The following C1orf87 variants were observed in gnomAD, a reference collection of about 807,000 sequenced individuals.
C1orf87 encodes the protein uncharacterized protein C1orf87.
In C1orf87, 58 loss-of-function variants were observed where a neutral mutation model predicts 60.5. That is an observed-to-expected ratio of 0.96 (90% CI 0.78 to 1.19). C1orf87 has a LOEUF of 1.19. C1orf87 is among the 50% of genes most tolerant of loss of function. The probability of loss-of-function intolerance (pLI) is 0.00; values close to 1 mark genes in which losing one functional copy is unlikely to be tolerated. For missense variants in C1orf87, 673 were observed against 638.6 expected, an observed-to-expected ratio of 1.05 and a Z score of -0.58; for synonymous variants, 236 against 227.4, an observed-to-expected ratio of 1.04 and a Z score of -0.34.
At chr1:60,067,130 A>G (rs541845505) in intron 2 of C1orf87, among the ~76,000 whole-genome samples, 17 of 152,304 alleles carry the variant, frequency 1.1e-4, no homozygotes, top group African/African-American at 3.9e-4. Flanking sequence ...CAGTGCTGCA[A>G]TAAACATACG....
At chr1:60,010,015 C>CTTT (rs34236824) in intron 9 of C1orf87, among the ~76,000 whole-genome samples, 1 of 143,016 alleles carries the variant, frequency 7.0e-6, no homozygotes. Flanking sequence ...TCTCACAGGT[C>CTTT]TTTTTTTTTT....
intron 2 of C1orf87, among the ~76,000 whole-genome samples, chr1:60,065,733 G>A (rs1645541584): frequency 6.6e-6 from 1 of 152,068 alleles, no homozygotes; most frequent in South Asian, 2.1e-4. Flanking sequence ...AAGTCACAAA[G>A]AATTTATTAA....
chr1:60,053,173 CAG>C (rs1226738674), intron 3 of C1orf87, among the ~76,000 whole-genome samples: 5 of 152,296 alleles, frequency 3.3e-5, no homozygotes, highest in Admixed American at 6.5e-5. Flanking sequence ...TGTCAAGAAA[CAG>C]ATGTCTATAT....
chr1:60,070,533 C>A (rs1645577551), intron 2 of C1orf87, among the ~76,000 whole-genome samples: 1 of 152,088 alleles, frequency 6.6e-6, no homozygotes, highest in African/African-American at 2.4e-5. Flanking sequence ...ACCTGAGCAA[C>A]AAGAAGCATT....
At chr1:60,032,075 C>T (rs1016284518) in intron 7 of C1orf87, among the ~76,000 whole-genome samples, 7 of 152,050 alleles carry the variant, frequency 4.6e-5, no homozygotes, top group African/African-American at 1.7e-4. Flanking sequence ...AAGAAAAATG[C>T]TTTTGTCCTA....
chr1:59,996,386 A>C (rs1004721112), intron 11 of C1orf87, among the ~76,000 whole-genome samples: 1 of 151,662 alleles, frequency 6.6e-6, no homozygotes, highest in African/African-American at 2.4e-5. Flanking sequence ...CCCTTATTTC[A>C]CTTTCTCCTT....
At chr1:60,007,930 C>T (rs1645057395) in intron 9 of C1orf87, among the ~76,000 whole-genome samples, 1 of 152,098 alleles carries the variant, frequency 6.6e-6, no homozygotes, top group South Asian at 2.1e-4. Flanking sequence ...TCTACACACC[C>T]ATAAGGAGTA....
At chr1:60,070,599 T>G (rs1231350092) in intron 2 of C1orf87, among the ~76,000 whole-genome samples, 2 of 152,106 alleles carry the variant, frequency 1.3e-5, no homozygotes, top group Non-Finnish European at 2.9e-5. Flanking sequence ...ACATCAATTA[T>G]CCTATGTCAT....
At chr1:60,029,637 G>GT (rs34501342) in intron 7 of C1orf87, among the ~76,000 whole-genome samples, 43,221 of 95,044 alleles carry the variant, frequency 0.45, 10,678 homozygotes, top group Admixed American at 0.53. Flanking sequence ...GTCCCCCCAA[G>GT]TTTTTTTTTT....
intron 11 of C1orf87, among the ~76,000 whole-genome samples, chr1:59,992,289 T>C (rs1234540624): frequency 6.6e-6 from 1 of 152,024 alleles, no homozygotes; most frequent in Non-Finnish European, 1.5e-5. Context: ...AGGGTCTTAC[T>C]CTGTTGCCTA....
At chr1:60,041,897 T>C (rs750849776) in intron 3 of C1orf87, among the ~76,000 whole-genome samples, 1 of 152,124 alleles carries the variant, frequency 6.6e-6, no homozygotes, top group Non-Finnish European at 1.5e-5. Flanking sequence ...AATCCAAGAC[T>C]AGGCTCCAGA....
Position 60,041,055 on chromosome 1 carries a change from G to C in C1orf87, c.419C>G (p.Pro140Arg). The C allele has an allele frequency of 1.2e-6, 2 of 1,613,358 alleles. No homozygotes were observed. Among genetic ancestry groups the C allele is most frequent in the Non-Finnish European group, 1.7e-6 (2 of 1,179,500 alleles). ...GGACCAGTCTCTAAGCTTTCTCCTG[G>C]GAATGCCATGCACATAGGATAAGGA... ...DQSLSYVHGIPRRKLRDWSLE... is the reference protein window; with the variant it reads ...DQSLSYVHGIRRRKLRDWSLE... The change falls in exon 4 of 12, where the codon CCC becomes CGC. Residue 140 changes from proline (P) to arginine (R), a missense_variant. Pro to Arg is a moderately radical substitution (Grantham distance 103). Transcript: ENST00000371201.
chr1:60,032,466 C>G (rs1022700276), intron 7 of C1orf87, among the ~76,000 whole-genome samples: 1 of 113,382 alleles, frequency 8.8e-6, no homozygotes, highest in Non-Finnish European at 1.7e-5. Flanking sequence ...GAGACTGAGT[C>G]TCGCTCTGTC....
chr1:60,022,788 A>G (rs938012267), intron 8 of C1orf87, among the ~76,000 whole-genome samples: 1 of 152,156 alleles, frequency 6.6e-6, no homozygotes, highest in Non-Finnish European at 1.5e-5. Flanking sequence ...AATAAGCAAA[A>G]TAAGAATTAC....
At chr1:60,010,755 CT>C (rs1183142354) in intron 8 of C1orf87, 1 of 219,550 alleles carries the variant, frequency 4.6e-6, no homozygotes, top group African/African-American at 2.3e-5. Context: ...TCAGTTTCCC[CT>C]AGCTATGAAG....
At chr1:60,010,579 G>T in intron 8 of C1orf87, 123 bp from the exon 9 acceptor site, 1 of 806,538 alleles carries the variant, frequency 1.2e-6, no homozygotes, top group Non-Finnish European at 2.1e-6. Context: ...TATCATTTAA[G>T]GTCCAATGCA....
At chr1:60,068,791 G>A (rs1052470065) in intron 2 of C1orf87, among the ~76,000 whole-genome samples, 2 of 152,238 alleles carry the variant, frequency 1.3e-5, no homozygotes, top group African/African-American at 4.8e-5. Context: ...TTGTCCACAA[G>A]CCTCTGACTC....
intron 2 of C1orf87, among the ~76,000 whole-genome samples, chr1:60,063,469 C>T (rs1464992162): frequency 6.6e-6 from 1 of 152,174 alleles, no homozygotes; most frequent in Non-Finnish European, 1.5e-5. Flanking sequence ...GTGAGCAGCA[C>T]TGCTCTCAAT....
chr1:60,018,528 C>A (rs539822271), intron 8 of C1orf87, among the ~76,000 whole-genome samples: 2 of 152,084 alleles, frequency 1.3e-5, no homozygotes, highest in South Asian at 4.1e-4. Flanking sequence ...AATTTTTAAT[C>A]AACAAATATC....
Sources: allele counts gnomAD v4.1 joint callset (sites outside exome capture counted in the v4.1 genomes callset), GRCh38; gene constraint gnomAD v4.1.1; transcripts MANE v1.5; gene names NCBI Gene and HGNC (gene_info 2026-07-23, HGNC 2026-07-21).